The following TOMM70 variants were observed in gnomAD, a reference collection of about 807,000 sequenced individuals.
TOMM70 encodes mitochondrial import receptor subunit TOM70.
In TOMM70, 13 loss-of-function variants were observed where a neutral mutation model predicts 73.6. The ratio of observed to expected loss-of-function variants is 0.18; its 90% confidence interval spans 0.11 to 0.28. The LOEUF (loss-of-function observed/expected upper bound fraction) is 0.28, where lower values mean the gene tolerates loss of function less well. TOMM70 is among the 10% of genes least tolerant of loss of function. The pLI, the probability that TOMM70 is intolerant of heterozygous loss-of-function variation, is 1.00. For synonymous variants in TOMM70, 257 were observed against 271.2 expected (o/e 0.95, Z 0.51); for missense variants, 609 against 747.5 (o/e 0.81, Z 2.16).
chr3:100,384,015 T>G (rs746442828), intron 4 of TOMM70, among the ~76,000 whole-genome samples: 13 of 152,236 alleles, frequency 8.5e-5, no homozygotes, highest in Non-Finnish European at 1.8e-4. Flanking sequence ...AGCCTAAAAC[T>G]AATGCCAACT....
chr3:100,382,521 A>G (rs898157097), intron 4 of TOMM70, among the ~76,000 whole-genome samples: 3 of 152,196 alleles, frequency 2.0e-5, no homozygotes, highest in Non-Finnish European at 4.4e-5. Context: ...TTAATTTAGG[A>G]TAACAAATAT....
intron 7 of TOMM70, among the ~76,000 whole-genome samples, chr3:100,374,809 C>CT (rs1706545251): frequency 6.6e-6 from 1 of 152,134 alleles, no homozygotes; most frequent in African/African-American, 2.4e-5. Flanking sequence ...TTCCTTTACT[C>CT]TTTTTTCATA....
In TOMM70 at chr3:100,400,905, A is replaced by C. The variant is rs370075553; in HGVS notation, c.45T>G (p.Ala15=). The C allele has an allele frequency of 3.8e-3, 5,781 of 1,525,394 alleles. 25 individuals are homozygous for C. The highest frequency in any genetic ancestry group is 4.7e-3 in the Non-Finnish European group (5,321 of 1,143,188). The allele number at this position is 1,525,394 out of a possible 1,614,324, so 94.5% of individuals were successfully genotyped here. ...CCACCCCACTCCCGGAGCTCGGTAC[A>C]GCGGCTGCGACCACCGCTGCCTCCA... ...KPVEAAVVAA[A]VPSSGSGVGG... is the part of the protein sequence containing the mutation. The change falls in exon 1 of 12, where the codon GCT becomes GCG. Residue 15 remains alanine, a synonymous_variant. Coordinates refer to ENST00000284320, the MANE Select transcript of TOMM70 (RefSeq NM_014820.5).
At chr3:100,381,559 G>GA in intron 5 of TOMM70, 56 bp downstream of exon 5, 1 of 1,550,554 alleles carries the variant, frequency 6.4e-7, no homozygotes, top group South Asian at 1.3e-5. Context: ...GGGCCCTAAG[G>GA]AAAGTTCAAA....
chr3:100,372,807 ATTTCC>A, intron 8 of TOMM70, 85 bp from the exon 9 acceptor site: 7 of 1,165,144 alleles, frequency 6.0e-6, no homozygotes, highest in Admixed American at 4.3e-5. Flanking sequence ...TTACATAAAT[ATTTCC>A]AAAAAAACAG....
chr3:100,384,610 A>G (rs1296447265), intron 3 of TOMM70, 22 bp from the exon 4 acceptor site: 7 of 1,488,078 alleles, frequency 4.7e-6, no homozygotes, highest in Non-Finnish European at 6.3e-6. Flanking sequence ...GAAAAACACA[A>G]GGGTAAATAT....
chr3:100,391,911 C>T (rs1044331386), intron 1 of TOMM70, among the ~76,000 whole-genome samples: 1 of 152,148 alleles, frequency 6.6e-6, no homozygotes, highest in Non-Finnish European at 1.5e-5. Context: ...CCCACTGACC[C>T]AGAGCAGCTT....
chr3:100,372,441 C>G (rs1706520896), intron 9 of TOMM70, 165 bp downstream of exon 9: 3 of 534,618 alleles, frequency 5.6e-6, no homozygotes, highest in Admixed American at 3.1e-5. Flanking sequence ...AAAGGAGCCT[C>G]TTCTGAGGTG....
intron 1 of TOMM70, 87 bp downstream of exon 1, chr3:100,400,539 G>T: frequency 6.8e-7 from 1 of 1,470,122 alleles, no homozygotes; most frequent in South Asian, 1.2e-5. Context: ...GCTTCCGTCT[G>T]ATGGGAAGCC....
In TOMM70 at chr3:100,386,659, T is replaced by C. The variant is rs1281134116; in HGVS notation, c.498+146A>G. 3.0e-6 allele frequency: 3 copies of C among 993,282 alleles called. No individual in the cohort carries two copies. In the African/African-American group the frequency reaches 5.0e-5, roughly 17 times the overall value. The allele number at this position is 993,282 out of a possible 1,614,324, so 61.5% of individuals were successfully genotyped here. ...TATAGAATTTGTTCTTTAAAAAGTTTTGCAATTAATGGAAATAAGAACAAC... is the reference window on the plus strand; with the variant it reads ...TATAGAATTTGTTCTTTAAAAAGTTCTGCAATTAATGGAAATAAGAACAAC... On this transcript the variant is annotated intron_variant, in intron 2 of 11. Coordinates refer to ENST00000284320, the MANE Select transcript of TOMM70 (RefSeq NM_014820.5).
intron 1 of TOMM70, among the ~76,000 whole-genome samples, chr3:100,389,100 T>C (rs1004297669): frequency 9.2e-5 from 14 of 151,986 alleles, no homozygotes; most frequent in African/African-American, 3.1e-4. Context: ...TTTAGACACA[T>C]CATGGTGAAA....
chr3:100,369,016 G>A, intron 10 of TOMM70, 22 bp downstream of exon 10: 1 of 1,530,484 alleles, frequency 6.5e-7, no homozygotes, highest in South Asian at 1.1e-5. Context: ...TATCTCATTG[G>A]AACAATCACA....
chr3:100,389,821 T>A (rs1199926508), intron 1 of TOMM70, among the ~76,000 whole-genome samples: 1 of 151,970 alleles, frequency 6.6e-6, no homozygotes, highest in Non-Finnish European at 1.5e-5. Context: ...GCGGGTGGAT[T>A]ACCTCAGGTC....
chr3:100,390,260 C>T (rs1706743128), intron 1 of TOMM70, among the ~76,000 whole-genome samples: 3 of 152,144 alleles, frequency 2.0e-5, no homozygotes, highest in African/African-American at 7.2e-5. Flanking sequence ...ATACTGTAGA[C>T]TAGTGTAGGA....
chr3:100,368,434 T>C (rs182143135), intron 10 of TOMM70, among the ~76,000 whole-genome samples: 1 of 152,324 alleles, frequency 6.6e-6, no homozygotes, highest in Non-Finnish European at 1.5e-5. Flanking sequence ...TAAATTTAAG[T>C]GAAGTTTCTT....
At chr3:100,372,792 C>T (rs1341947775) in intron 8 of TOMM70, 70 bp from the exon 9 acceptor site, 2 of 1,239,494 alleles carry the variant, frequency 1.6e-6, no homozygotes, top group African/African-American at 3.0e-5. Context: ...CATAAACACA[C>T]AAAATTACAT....
At chr3:100,379,286 T>C (rs1442744492) in intron 5 of TOMM70, among the ~76,000 whole-genome samples, 2 of 152,186 alleles carry the variant, frequency 1.3e-5, no homozygotes, top group Non-Finnish European at 2.9e-5. Flanking sequence ...CATTTTCTTA[T>C]TTCAGTTGTT....
chr3:100,370,460 A>G (rs1706497076), intron 9 of TOMM70, among the ~76,000 whole-genome samples: 1 of 152,244 alleles, frequency 6.6e-6, no homozygotes, highest in Non-Finnish European at 1.5e-5. Flanking sequence ...ATAGTTAACA[A>G]TAATGTAATA....
At chr3:100,374,828 C>A (rs1358252180) in intron 7 of TOMM70, among the ~76,000 whole-genome samples, 190 bp downstream of exon 7, 3 of 152,044 alleles carry the variant, frequency 2.0e-5, no homozygotes, top group African/African-American at 4.8e-5. Context: ...TAAGTAAATA[C>A]CAAAATTAAA....
Sources: gnomAD v4.1 joint callset for allele counts (sites outside exome capture counted in the v4.1 genomes callset) on GRCh38, gnomAD v4.1.1 for gene constraint, MANE v1.5 for transcripts, NCBI Gene and HGNC (gene_info 2026-07-23, HGNC 2026-07-21) for gene names.